The following RCC2 variants were observed in gnomAD, a reference collection of about 807,000 sequenced individuals.
The protein encoded by RCC2 is regulator of chromosome condensation 2.
RCC2 carries 19 observed loss-of-function variants against 64.1 expected under a neutral mutation model. That is an observed-to-expected ratio of 0.30 (90% CI 0.21 to 0.44). The LOEUF (loss-of-function observed/expected upper bound fraction) is 0.44, where lower values mean the gene tolerates loss of function less well. Among genes scored for constraint, RCC2 ranks in the 20% least tolerant of loss-of-function variants. The probability of loss-of-function intolerance (pLI) is 1.00; values close to 1 mark genes in which losing one functional copy is unlikely to be tolerated. For missense variants in RCC2, 508 were observed against 710.4 expected, an observed-to-expected ratio of 0.72 and a Z score of 3.24; for synonymous variants, 325 against 279.6, an observed-to-expected ratio of 1.16 and a Z score of -1.62.
At chr1:17,417,760 A>C (rs547934093) in intron 7 of RCC2, among the ~76,000 whole-genome samples, 10 of 152,082 alleles carry the variant, frequency 6.6e-5, no homozygotes, top group Non-Finnish European at 1.2e-4. Flanking sequence ...CCCCCTCCAT[A>C]CGGCACGCTG....
At chr1:17,431,404 C>T (rs1157429532) in intron 2 of RCC2, among the ~76,000 whole-genome samples, 4 of 110,736 alleles carry the variant, frequency 3.6e-5, no homozygotes, top group African/African-American at 1.0e-4. Context: ...TGGTGGCTCA[C>T]GCCTGTCATC....
Position 17,420,077 on chromosome 1 carries a change from G to A in RCC2, c.859+637C>T, listed in dbSNP as rs556978922. Among the ~76,000 whole-genome samples the A allele has an allele frequency of 2.6e-5, 4 of 152,324 alleles. No individual in the cohort carries two copies. In the East Asian group the frequency reaches 7.7e-4, roughly 29 times the overall value. On this transcript the variant is annotated intron_variant, in intron 7 of 12. Coordinates refer to ENST00000375436, the MANE Select transcript of RCC2 (RefSeq NM_018715.4). ...GAGGCCTCCCCAGAGGGGCTGGAGT[G>A]GAGGCAGAGCCACAACCGGGAAGCG...
Position 17,408,168 on chromosome 1 carries a change from C to T in RCC2, c.*922G>A, listed in dbSNP as rs368435686. ...CCAGGCGGGGGGGAGAAAAAGAGAC[C>T]AAAGCACAAGGCGATCGAGGCTGGC... On this transcript the variant is annotated 3_prime_UTR_variant, in exon 13 of 13. Transcript: ENST00000375436. The T allele has an allele frequency of 5.9e-5, 9 of 152,490 alleles. No homozygotes were observed. The East Asian group carries it at 1.2e-3, about 20-fold the overall frequency. 9.4% of individuals were successfully genotyped at this position (152,490 alleles called of 1,614,324 possible).
chr1:17,408,948 C>A lies in RCC2; in HGVS notation c.*142G>T. 1.5e-6 allele frequency: 1 copy of A among 682,916 alleles called. No individual in the cohort carries two copies. The highest frequency in any genetic ancestry group is 2.7e-6 in the Non-Finnish European group (1 of 376,756). The allele number at this position is 682,916 out of a possible 1,614,324, so 42.3% of individuals were successfully genotyped here. A position where few individuals can be genotyped will look rare whatever the true frequency, so the allele number is the denominator to read the frequency against. On this transcript the variant is annotated 3_prime_UTR_variant, in exon 13 of 13. Transcript: ENST00000375436. ...AGTTAACGTTGGATCATGTGTAAAA[C>A]GGAACCTCAGGGAGTCTAAACAAAA...
intron 12 of RCC2, among the ~76,000 whole-genome samples, 168 bp from the exon 13 acceptor site, chr1:17,409,362 C>T (rs989144507): frequency 1.3e-5 from 2 of 152,266 alleles, no homozygotes; most frequent in African/African-American, 4.8e-5. Flanking sequence ...TTCCATGTGA[C>T]TGCCACCAAC....
At chr1:17,431,359 A>AAAAAATATAT (rs1553158471) in intron 2 of RCC2, among the ~76,000 whole-genome samples, 4 of 44,936 alleles carry the variant, frequency 8.9e-5, no homozygotes, top group African/African-American at 3.2e-4. Flanking sequence ...AAAAAAAAAA[A>AAAAAATATAT]ATATATATAT....
chr1:17,429,288 A>C (rs1313796101), intron 2 of RCC2, 89 bp from the exon 3 acceptor site: 7 of 1,015,864 alleles, frequency 6.9e-6, no homozygotes, highest in Non-Finnish European at 7.8e-6. Flanking sequence ...GAAACGAAAG[A>C]AAATCATTCA....
intron 6 of RCC2, among the ~76,000 whole-genome samples, chr1:17,421,411 C>G (rs2075554701): frequency 6.6e-6 from 1 of 151,844 alleles, no homozygotes; most frequent in Non-Finnish European, 1.5e-5. Context: ...AGGAGAATCG[C>G]TTGAATCCGG....
intron 3 of RCC2, among the ~76,000 whole-genome samples, chr1:17,428,476 C>T (rs2075642609): frequency 6.6e-6 from 1 of 152,198 alleles, no homozygotes; most frequent in Non-Finnish European, 1.5e-5. Flanking sequence ...TGGGGCAAAG[C>T]AATGCTGGAA....
chr1:17,413,896 C>T (rs1446661476), intron 8 of RCC2, among the ~76,000 whole-genome samples, 179 bp from the exon 9 acceptor site: 1 of 152,184 alleles, frequency 6.6e-6, no homozygotes, highest in East Asian at 1.9e-4. Flanking sequence ...TTTGGGAGGC[C>T]AAGGTGGGTG....
chr1:17,413,324 T>G (rs1075535), intron 9 of RCC2, 146 bp from the exon 10 acceptor site: 1 of 811,460 alleles, frequency 1.2e-6, no homozygotes, highest in Non-Finnish European at 2.0e-6. Flanking sequence ...GTGGCGTGCC[T>G]GTGCAGTCCT....
intron 7 of RCC2, among the ~76,000 whole-genome samples, chr1:17,419,878 G>C (rs1174523328): frequency 2.0e-5 from 3 of 152,208 alleles, no homozygotes; most frequent in African/African-American, 7.2e-5. Flanking sequence ...TGTGCGTAAG[G>C]GGCTGTTCTC....
intron 3 of RCC2, among the ~76,000 whole-genome samples, chr1:17,427,185 T>G (rs2075625803): frequency 6.6e-6 from 1 of 152,232 alleles, no homozygotes; most frequent in South Asian, 2.1e-4. Context: ...ATAAAAAGGC[T>G]ACAATGTCTC....
rs538700490 is a variant in RCC2 at position 17,438,629 on chromosome 1, C to G, written c.-8-107G>C. On this transcript the variant is annotated intron_variant, in intron 1 of 12. Transcript: ENST00000375436. ...GGCCTCCACTTCCTCCTCTGCCCTC[C>G]CCAAAGTGGCGGCCGCAGGGTGGGC... 1.6e-3 allele frequency: 1,796 copies of G among 1,136,538 alleles called. 3 individuals are homozygous for G. The highest frequency in any genetic ancestry group is 1.9e-3 in the Non-Finnish European group (1,684 of 896,346). 70.4% of individuals were successfully genotyped at this position (1,136,538 alleles called of 1,614,324 possible).
rs558157516 is a variant in RCC2 at position 17,415,361 on chromosome 1, A to G, written c.1026+1119T>C. On this transcript the variant is annotated intron_variant, in intron 8 of 12. Coordinates refer to ENST00000375436, the MANE Select transcript of RCC2 (RefSeq NM_018715.4). ...AGGCTTTTTCAACAAAGCATAGAAC[A>G]AAGAGACTCCTAGGCATTCTCAGAC... Among the ~76,000 whole-genome samples, 5 of 152,330 alleles carry G rather than the reference A, an allele frequency of 3.3e-5. No individual in the cohort carries two copies. In the South Asian group the frequency reaches 1.0e-3, roughly 32 times the overall value.
Position 17,412,228 on chromosome 1 carries a change from C to CA in RCC2, c.1314-35dup, listed in dbSNP as rs2075434787. The stretch of plus-strand genomic sequence containing the variant: ...AGGCAGGCTGTCACTGCAGGGCCAG[C>CA]AGCCCCAGACCTGCACCCACGCAGC... On this transcript the variant is annotated intron_variant, in intron 10 of 12. Transcript: ENST00000375436. 12 of 1,607,496 alleles carry CA rather than the reference C, an allele frequency of 7.5e-6. 1 individual carries two copies. The Middle Eastern group carries it at 5.0e-4, about 66-fold the overall frequency.
At chr1:17,437,557 G>T (rs929942752) in intron 2 of RCC2, among the ~76,000 whole-genome samples, 4 of 143,544 alleles carry the variant, frequency 2.8e-5, no homozygotes, top group Non-Finnish European at 6.1e-5. Context: ...CTTCACTTGG[G>T]GGGGCTACAA....
chr1:17,427,306 G>A (rs1046234509), intron 3 of RCC2, among the ~76,000 whole-genome samples: 4 of 152,140 alleles, frequency 2.6e-5, no homozygotes, highest in Non-Finnish European at 2.9e-5. Context: ...GGGGCAAGTG[G>A]GCAAGACTCC....
At chr1:17,435,175 G>GA (rs1488071576) in intron 2 of RCC2, among the ~76,000 whole-genome samples, 2 of 152,160 alleles carry the variant, frequency 1.3e-5, no homozygotes, top group African/African-American at 4.8e-5. Flanking sequence ...AAAAGAATTT[G>GA]AATTTTTTCT....
Sources: allele counts gnomAD v4.1 joint callset (sites outside exome capture counted in the v4.1 genomes callset), GRCh38; gene constraint gnomAD v4.1.1; transcripts MANE v1.5; gene names NCBI Gene and HGNC (gene_info 2026-07-23, HGNC 2026-07-21).